The following SHISA6 variants were observed in gnomAD, a reference collection of about 807,000 sequenced individuals.
The protein encoded by SHISA6 is shisa family member 6, also known as protein shisa-6.
SHISA6 carries 22 observed loss-of-function variants against 47.9 expected under a neutral mutation model. The observed-to-expected ratio is 0.46, with a 90% confidence interval of 0.33 to 0.66. The LOEUF is 0.66. Among genes scored for constraint, SHISA6 ranks in the 30% least tolerant of loss-of-function variants. The probability of loss-of-function intolerance (pLI) is 0.02; values close to 1 mark genes in which losing one functional copy is unlikely to be tolerated. For missense variants in SHISA6, 680 were observed against 764.6 expected, an observed-to-expected ratio of 0.89 and a Z score of 1.30; for synonymous variants, 388 against 337.8, an observed-to-expected ratio of 1.15 and a Z score of -1.63.
At chr17:11,352,016 G>A (rs1911907563) in intron 2 of SHISA6, among the ~76,000 whole-genome samples, 2 of 152,162 alleles carry the variant, frequency 1.3e-5, no homozygotes, top group Non-Finnish European at 2.9e-5. Flanking sequence ...ATGGAGATAT[G>A]CCTCAAGATG....
At chr17:11,366,282 G>T (rs768894846) in intron 2 of SHISA6, among the ~76,000 whole-genome samples, 1 of 152,150 alleles carries the variant, frequency 6.6e-6, no homozygotes, top group Non-Finnish European at 1.5e-5. Context: ...TGAGTAGCTG[G>T]GACTACAGGC....
intron 2 of SHISA6, among the ~76,000 whole-genome samples, chr17:11,279,796 G>A (rs890185463): frequency 7.8e-6 from 1 of 128,482 alleles, no homozygotes; most frequent in African/African-American, 2.7e-5. Flanking sequence ...ATAGCAAAGA[G>A]CAAAAAGAGA....
chr17:11,305,402 G>A (rs1031187091), intron 2 of SHISA6, among the ~76,000 whole-genome samples: 1 of 152,154 alleles, frequency 6.6e-6, no homozygotes, highest in Non-Finnish European at 1.5e-5. Flanking sequence ...AGGAAGAGGG[G>A]GAGCAAAGCT....
intron 3 of SHISA6, among the ~76,000 whole-genome samples, chr17:11,481,438 T>G (rs1021476651): frequency 1.5e-4 from 23 of 150,566 alleles, no homozygotes; most frequent in Non-Finnish European, 3.0e-5. Context: ...TAGAAGAGAC[T>G]ATATGCTTAT....
At chr17:11,446,242 A>C (rs1415262844) in intron 3 of SHISA6, among the ~76,000 whole-genome samples, 1 of 152,254 alleles carries the variant, frequency 6.6e-6, no homozygotes, top group Non-Finnish European at 1.5e-5. Flanking sequence ...AGGTCAAAGC[A>C]GTATACTTGG....
At chr17:11,443,355 G>A (rs1915143633) in intron 3 of SHISA6, among the ~76,000 whole-genome samples, 1 of 152,176 alleles carries the variant, frequency 6.6e-6, no homozygotes, top group South Asian at 2.1e-4. Context: ...GAAAGCCAAG[G>A]CAATTCTTAG....
intron 3 of SHISA6, among the ~76,000 whole-genome samples, chr17:11,539,181 A>C (rs1263447178): frequency 6.6e-6 from 1 of 152,094 alleles, no homozygotes; most frequent in Non-Finnish European, 1.5e-5. Context: ...ATCTCAGGTG[A>C]TCCACCCGCC....
Position 11,498,300 on chromosome 17 carries a change from A to C in SHISA6, c.896-53596A>C, listed in dbSNP as rs201111917. 3.9e-5 allele frequency among the ~76,000 whole-genome samples: 6 copies of C among 152,164 alleles called. No individual in the cohort carries two copies. The East Asian group carries it at 1.2e-3, about 29-fold the overall frequency. ...CCTCCTCCATCCCCAAACATCTTGG[A>C]CACATCCATATCCTACTGATCTCAC... On this transcript the variant is annotated intron_variant, in intron 3 of 5. Transcript: ENST00000441885.
intron 3 of SHISA6, among the ~76,000 whole-genome samples, chr17:11,484,991 C>T (rs900976227): frequency 5.9e-5 from 9 of 152,176 alleles, no homozygotes. Context: ...CTCACAGTCT[C>T]AGCCCATCAG....
intron 3 of SHISA6, among the ~76,000 whole-genome samples, chr17:11,392,205 G>A (rs1913408556): frequency 6.6e-6 from 1 of 152,104 alleles, no homozygotes; most frequent in Non-Finnish European, 1.5e-5. Context: ...TAATTCTGGG[G>A]AAATGTAATG....
At chr17:11,457,340 A>G (rs919708590) in intron 3 of SHISA6, among the ~76,000 whole-genome samples, 2 of 152,156 alleles carry the variant, frequency 1.3e-5, no homozygotes, top group Non-Finnish European at 2.9e-5. Flanking sequence ...ACCACCACCC[A>G]TGCAGTCGAC....
chr17:11,388,255 A>C (rs1913257800), intron 3 of SHISA6, among the ~76,000 whole-genome samples: 1 of 152,158 alleles, frequency 6.6e-6, no homozygotes, highest in African/African-American at 2.4e-5. Flanking sequence ...TCGAGTCTCC[A>C]TGGCAACAGT....
intron 3 of SHISA6, among the ~76,000 whole-genome samples, chr17:11,449,179 T>C (rs1915314504): frequency 6.6e-6 from 1 of 152,096 alleles, no homozygotes; most frequent in African/African-American, 2.4e-5. Flanking sequence ...TGGTGGCTCA[T>C]GCCTGTAATC....
chr17:11,410,624 T>C (rs62062074), intron 3 of SHISA6, among the ~76,000 whole-genome samples: 59,361 of 151,986 alleles, frequency 0.39, 11,867 homozygotes, highest in Middle Eastern at 0.45. Flanking sequence ...TCACTATGGA[T>C]ATTGGACGCC....
intron 1 of SHISA6, among the ~76,000 whole-genome samples, chr17:11,250,658 C>T (rs1032736616): frequency 5.3e-5 from 8 of 152,090 alleles, no homozygotes; most frequent in South Asian, 4.2e-4. Flanking sequence ...ATGCATAGGC[C>T]GGGGCAGAGC....
chr17:11,327,796 C>T (rs573832708), intron 2 of SHISA6, among the ~76,000 whole-genome samples: 2 of 152,146 alleles, frequency 1.3e-5, no homozygotes, highest in East Asian at 1.9e-4. Context: ...GGCTCCATCT[C>T]AAAACAAAAC....
intron 3 of SHISA6, among the ~76,000 whole-genome samples, chr17:11,399,083 C>G (rs565143503): frequency 1.3e-5 from 2 of 151,696 alleles, no homozygotes; most frequent in Admixed American, 1.3e-4. Context: ...TTCTGTTTTC[C>G]AGTTATGCTA....
At chr17:11,356,918 A>G (rs1912095647) in intron 2 of SHISA6, among the ~76,000 whole-genome samples, 1 of 152,170 alleles carries the variant, frequency 6.6e-6, no homozygotes, top group African/African-American at 2.4e-5. Context: ...TAAGAAACAA[A>G]GATGGCAAGA....
chr17:11,449,260 G>A (rs1260754205), intron 3 of SHISA6, among the ~76,000 whole-genome samples: 3 of 151,864 alleles, frequency 2.0e-5, no homozygotes, highest in Non-Finnish European at 2.9e-5. Flanking sequence ...TGGGCAACAC[G>A]GTGAAACCTC....
Sources: allele counts gnomAD v4.1 joint callset (sites outside exome capture counted in the v4.1 genomes callset), GRCh38; gene constraint gnomAD v4.1.1; transcripts MANE v1.5; gene names NCBI Gene and HGNC (gene_info 2026-07-23, HGNC 2026-07-21).